The following UBASH3B variants were observed in gnomAD, a reference collection of about 807,000 sequenced individuals.
UBASH3B encodes the protein ubiquitin associated and SH3 domain containing B.
Under a neutral mutation model 83.4 loss-of-function variants are expected in UBASH3B, and 37 were observed. That is an observed-to-expected ratio of 0.44 (90% confidence interval 0.34 to 0.58). The LOEUF is 0.58. UBASH3B is among the 20% of genes least tolerant of loss of function. UBASH3B has a pLI of 0.01. For synonymous variants in UBASH3B, 304 were observed against 318.3 expected, an observed-to-expected ratio of 0.96 and a Z score of 0.48; for missense variants, 657 against 827.2, an observed-to-expected ratio of 0.79 and a Z score of 2.52.
rs376142782 is a variant in UBASH3B, at chr11:122,660,306, TAAG to T, written c.161+4097_161+4099del. On this transcript the variant is annotated intron_variant, in intron 1 of 13. Transcript: ENST00000284273. Reference sequence around the variant, plus strand: ...TGTGCGCTCGTGTGCAAGTCCAAGTTAAGGAGGTGTTCGGGAGGCATCAGGAAG... The same window carrying T: ...TGTGCGCTCGTGTGCAAGTCCAAGTTGAGGTGTTCGGGAGGCATCAGGAAG... 9.6e-4 allele frequency among the ~76,000 whole-genome samples: 146 copies of T among 152,160 alleles called. 1 individual carries two copies. The East Asian group carries it at 0.027, about 29-fold the overall frequency.
intron 2 of UBASH3B, 135 bp downstream of exon 2, chr11:122,776,407 G>C (rs907177170): frequency 1.3e-6 from 1 of 753,614 alleles, no homozygotes; most frequent in Non-Finnish European, 2.0e-6. Flanking sequence ...TGGCAAGTGC[G>C]TTTATCAAGT....
rs139126848 is a variant in UBASH3B, at chr11:122,708,784, TC to T, written c.161+52577del. Among the ~76,000 whole-genome samples, 703 of 152,282 alleles carry T rather than the reference TC, an allele frequency of 4.6e-3. 4 individuals are homozygous for T. The highest frequency in any genetic ancestry group is 0.016 in the African/African-American group (661 of 41,556). On this transcript the variant is annotated intron_variant, in intron 1 of 13. Coordinates refer to ENST00000284273, the MANE Select transcript of UBASH3B (RefSeq NM_032873.5). The stretch of plus-strand genomic sequence containing the variant: ...AGGAGCCATGTAATATGGGGCAAGT[TC>T]CCATTTTAGGTTTCAATTTTTCTCA...
At chr11:122,796,544 C>G (rs1861160759) in intron 8 of UBASH3B, among the ~76,000 whole-genome samples, 1 of 152,098 alleles carries the variant, frequency 6.6e-6, no homozygotes, top group Admixed American at 6.6e-5. Flanking sequence ...AGAAACGTGC[C>G]CTGATCCTAT....
chr11:122,776,923 C>A (rs577949024), intron 2 of UBASH3B, 101 bp from the exon 3 acceptor site: 3 of 1,155,540 alleles, frequency 2.6e-6, no homozygotes, highest in Non-Finnish European at 3.6e-6. Context: ...CGCGCTGTGC[C>A]GGGGATTTGG....
chr11:122,710,086 G>A (rs768548614), intron 1 of UBASH3B, among the ~76,000 whole-genome samples: 1 of 150,076 alleles, frequency 6.7e-6, no homozygotes, highest in Non-Finnish European at 1.5e-5. Context: ...AACCCAGGAG[G>A]CAGAGGCTGC....
At chr11:122,666,218 G>A (rs552030496) in intron 1 of UBASH3B, among the ~76,000 whole-genome samples, 1 of 152,340 alleles carries the variant, frequency 6.6e-6, no homozygotes, top group South Asian at 2.1e-4. Flanking sequence ...CTTCCACGTT[G>A]ATGGTGCGCC....
intron 1 of UBASH3B, among the ~76,000 whole-genome samples, chr11:122,750,630 G>A (rs1861184971): frequency 6.6e-6 from 1 of 152,214 alleles, no homozygotes; most frequent in Non-Finnish European, 1.5e-5. Context: ...TGCCTGCCTT[G>A]CACCTGATGG....
rs1863350990 is a variant in UBASH3B at position 122,655,877 on chromosome 11, A to C, written c.-173A>C. On this transcript the variant is annotated 5_prime_UTR_variant, in exon 1 of 14. Coordinates refer to ENST00000284273, the MANE Select transcript of UBASH3B (RefSeq NM_032873.5). ...GCGTTCTGGCTCCTGTGGCCTCACCAGGAAGCGTCAGAGTCCCGACACTGG... is the reference window on the plus strand; with the variant it reads ...GCGTTCTGGCTCCTGTGGCCTCACCCGGAAGCGTCAGAGTCCCGACACTGG... 1.4e-6 allele frequency: 1 copy of C among 694,564 alleles called. No homozygotes were observed. The highest frequency in any genetic ancestry group is 2.3e-5 in the South Asian group (1 of 43,238). 43.0% of individuals were successfully genotyped at this position (694,564 alleles called of 1,614,324 possible). A position where few individuals can be genotyped will look rare whatever the true frequency, so the allele number is the denominator to read the frequency against.
chr11:122,672,712 T>C (rs553190143), intron 1 of UBASH3B, among the ~76,000 whole-genome samples: 5 of 152,240 alleles, frequency 3.3e-5, no homozygotes, highest in East Asian at 3.9e-4. Flanking sequence ...TTGGAAACCA[T>C]TGGCCCACGT....
chr11:122,771,920 G>C (rs1484661503), intron 1 of UBASH3B, among the ~76,000 whole-genome samples: 2 of 152,160 alleles, frequency 1.3e-5, no homozygotes, highest in African/African-American at 2.4e-5. Flanking sequence ...CTCATTGCCT[G>C]TTCCACATTG....
intron 1 of UBASH3B, among the ~76,000 whole-genome samples, chr11:122,680,262 T>C (rs1052164302): frequency 6.6e-6 from 1 of 152,226 alleles, no homozygotes. Flanking sequence ...TATCTTCAGC[T>C]TCAAATAAAA....
rs1046153959 is a variant in UBASH3B, at chr11:122,741,324, G to A, written c.162-34895G>A. Among the ~76,000 whole-genome samples the A allele has an allele frequency of 5.9e-5, 9 of 152,214 alleles. No individual in the cohort carries two copies. In the East Asian group the frequency reaches 7.7e-4, roughly 13 times the overall value. On this transcript the variant is annotated intron_variant, in intron 1 of 13. Coordinates refer to ENST00000284273, the MANE Select transcript of UBASH3B (RefSeq NM_032873.5). ...TGGATCTTAAATGAGATGTATCCCC[G>A]AAGTGTTTCAAACAGCAGAAACAAA...
In UBASH3B at chr11:122,811,055, G is replaced by A. The variant is rs1861438557; in HGVS notation, c.*1169G>A. ...TTTCTATGATAATTTAAAATACATA[G>A]GTAGGGCTACTGAGGAAATTTGGAG... On this transcript the variant is annotated 3_prime_UTR_variant, in exon 14 of 14. Coordinates refer to ENST00000284273, the MANE Select transcript of UBASH3B (RefSeq NM_032873.5). 1 of 152,522 alleles carries A rather than the reference G, an allele frequency of 6.6e-6. No individual in the cohort carries two copies. The highest frequency in any genetic ancestry group is 1.5e-5 in the Non-Finnish European group (1 of 68,022). The allele number at this position is 152,522 out of a possible 1,614,324, so 9.4% of individuals were successfully genotyped here. A position where few individuals can be genotyped will look rare whatever the true frequency, so the allele number is the denominator to read the frequency against.
At chr11:122,799,507 T>C (rs190041266) in intron 10 of UBASH3B, among the ~76,000 whole-genome samples, 1 of 151,254 alleles carries the variant, frequency 6.6e-6, no homozygotes, top group African/African-American at 2.4e-5. Context: ...AAAAAAATAC[T>C]CTGGCAGCCT....
chr11:122,712,686 C>A (rs536237963), intron 1 of UBASH3B, among the ~76,000 whole-genome samples: 1 of 152,070 alleles, frequency 6.6e-6, no homozygotes, highest in Non-Finnish European at 1.5e-5. Context: ...TTCACAGGTA[C>A]CTTCCTACCT....
chr11:122,683,591 C>T (rs58706495), intron 1 of UBASH3B, among the ~76,000 whole-genome samples: 103,477 of 148,456 alleles, frequency 0.7, 39,100 homozygotes, highest in Admixed American at 0.83. Flanking sequence ...GGGGACAGAG[C>T]GAGACTCCTT....
At chr11:122,786,642 G>C (rs2135157115) in intron 5 of UBASH3B, among the ~76,000 whole-genome samples, 1 of 152,286 alleles carries the variant, frequency 6.6e-6, no homozygotes. Context: ...GGGCGACAGA[G>C]CGAGACTCCG....
At chr11:122,698,951 G>T (rs572509746) in intron 1 of UBASH3B, among the ~76,000 whole-genome samples, 45 of 152,276 alleles carry the variant, frequency 3.0e-4, no homozygotes, top group African/African-American at 9.1e-4. Context: ...CCCAGTTCAA[G>T]CGATTATCGT....
chr11:122,714,782 G>C (rs1444609954), intron 1 of UBASH3B, among the ~76,000 whole-genome samples: 1 of 152,172 alleles, frequency 6.6e-6, no homozygotes, highest in African/African-American at 2.4e-5. Flanking sequence ...TTGAAGAACA[G>C]AGGTGTCTGG....
Sources: gnomAD v4.1 joint callset for allele counts (sites outside exome capture counted in the v4.1 genomes callset) on GRCh38, gnomAD v4.1.1 for gene constraint, MANE v1.5 for transcripts, NCBI Gene and HGNC (gene_info 2026-07-23, HGNC 2026-07-21) for gene names.